FAM20B: variants seen among roughly 807,000 people sequenced by gnomAD.
FAM20B encodes glycosaminoglycan xylosylkinase.
Under a neutral mutation model 43.8 loss-of-function variants are expected in FAM20B, and 23 were observed. The ratio of observed to expected loss-of-function variants is 0.53; its 90% CI spans 0.38 to 0.74. The LOEUF (loss-of-function observed/expected upper bound fraction) is 0.74, where lower values mean the gene tolerates loss of function less well. Among genes scored for constraint, FAM20B ranks in the 30% least tolerant of loss-of-function variants. The pLI is 0.00. For synonymous variants in FAM20B, 178 were observed against 192.4 expected (o/e 0.93, Z 0.62); for missense variants, 440 against 510.5 (o/e 0.86, Z 1.33).
chr1:179,072,930 C>T lies in FAM20B; in HGVS notation c.*786C>T, dbSNP rs1423000596. The T allele has an allele frequency of 6.6e-6, 1 of 152,096 alleles. No homozygotes were observed. The highest frequency in any genetic ancestry group is 1.9e-4 in the East Asian group (1 of 5,192). 9.4% of individuals were successfully genotyped at this position (152,096 alleles called of 1,614,324 possible). On this transcript the variant is annotated 3_prime_UTR_variant, in exon 8 of 8. Coordinates refer to ENST00000263733, the MANE Select transcript of FAM20B (RefSeq NM_014864.4). Reference sequence around the variant, plus strand: ...TTCTCATAGTTGTGTCCCAATTAACCAAAAAGTTGTCTCTAGAGAAAATAC... The same window carrying T: ...TTCTCATAGTTGTGTCCCAATTAACTAAAAAGTTGTCTCTAGAGAAAATAC...
intron 2 of FAM20B, among the ~76,000 whole-genome samples, chr1:179,048,537 C>T (rs1000442365): frequency 4.6e-5 from 7 of 152,218 alleles, no homozygotes; most frequent in African/African-American, 1.7e-4. Flanking sequence ...ACATACCTTC[C>T]TGTGGCTGCC....
upstream of FAM20B, among the ~76,000 whole-genome samples, chr1:179,022,291 C>G (rs774994020): frequency 1.3e-5 from 2 of 152,182 alleles, no homozygotes; most frequent in African/African-American, 4.8e-5. Flanking sequence ...CTCCTTTACT[C>G]GCTAGCCTTT....
chr1:179,069,339 C>T (rs749434867), intron 7 of FAM20B, among the ~76,000 whole-genome samples: 5 of 152,148 alleles, frequency 3.3e-5, no homozygotes, highest in Non-Finnish European at 7.4e-5. Context: ...GAATCCCATC[C>T]GTCGTAGCAG....
At chr1:179,023,330 G>C (rs1435634948), upstream of FAM20B, among the ~76,000 whole-genome samples, 1 of 152,216 alleles carries the variant, frequency 6.6e-6, no homozygotes, top group Non-Finnish European at 1.5e-5. Flanking sequence ...CTACAAGTGG[G>C]AATAAAGATG....
At position 179,072,885 on chromosome 1, in the gene FAM20B, G is replaced by A. The variant is rs1167367006; in HGVS notation, c.*741G>A. 1 of 152,154 alleles carries A rather than the reference G, an allele frequency of 6.6e-6. No homozygotes were observed. The highest frequency in any genetic ancestry group is 2.4e-5 in the African/African-American group (1 of 41,430). The allele number at this position is 152,154 out of a possible 1,614,324, so 9.4% of individuals were successfully genotyped here. On this transcript the variant is annotated 3_prime_UTR_variant, in exon 8 of 8. Coordinates refer to ENST00000263733, the MANE Select transcript of FAM20B (RefSeq NM_014864.4). ...GTGTATAAAAAGCAAACATGACTTT[G>A]CACCTAAGTAAATTCTGCATTCTCA...
chr1:179,019,496 CTT>C, the FAM20B span, among the ~76,000 whole-genome samples: 1 of 136,404 alleles, frequency 7.3e-6, no homozygotes, highest in Non-Finnish European at 1.5e-5. Flanking sequence ...GAGTTTTGCT[CTT>C]GTTGCCCAGG....
chr1:179,064,346 C>G lies in FAM20B; in HGVS notation c.788C>G (p.Thr263Arg). The G allele has an allele frequency of 6.2e-7, 1 of 1,613,350 alleles. No individual in the cohort carries two copies. Among genetic ancestry groups the G allele is most frequent in the Non-Finnish European group, 8.5e-7 (1 of 1,179,534 alleles). The change falls in exon 6 of 8, where the codon ACG (threonine) becomes AGG (arginine). Residue 263 changes from threonine (T) to arginine (R), a missense_variant. Physicochemically the swap from Thr to Arg is moderately conservative, Grantham distance 71 (BLOSUM62 -1). Transcript: ENST00000263733. ...DESYCDAVKK[T>R]SPYDSGPRLL... is the part of the protein sequence containing the mutation. ...AGCTACTGTGATGCTGTGAAGAAAA[C>G]GTCCCCTTATGACTCTGGCCCGCGC...
At chr1:179,036,914 T>C (rs757716838) in intron 1 of FAM20B, among the ~76,000 whole-genome samples, 1 of 151,800 alleles carries the variant, frequency 6.6e-6, no homozygotes, top group Non-Finnish European at 1.5e-5. Flanking sequence ...CAGGAGGAGA[T>C]TGGAAGAAAT....
At chr1:179,017,763 C>T in the FAM20B span, among the ~76,000 whole-genome samples, 2 of 152,162 alleles carry the variant, frequency 1.3e-5, no homozygotes, top group Non-Finnish European at 1.5e-5. Flanking sequence ...TGAATAAGCA[C>T]ACCAATTTGC....
At chr1:179,048,389 T>TC (rs1650868304) in intron 2 of FAM20B, among the ~76,000 whole-genome samples, 2 of 152,282 alleles carry the variant, frequency 1.3e-5, no homozygotes, top group South Asian at 4.1e-4. Flanking sequence ...CCTTTTCTCT[T>TC]CCCTCCATCT....
chr1:179,040,778 C>T (rs570911308), intron 1 of FAM20B, among the ~76,000 whole-genome samples: 3 of 151,764 alleles, frequency 2.0e-5, no homozygotes, highest in African/African-American at 4.8e-5. Context: ...CCCTCCCGGA[C>T]GGGTTGGCTG....
chr1:179,071,428 CTG>C (rs1651921065), intron 7 of FAM20B, among the ~76,000 whole-genome samples: 1 of 152,188 alleles, frequency 6.6e-6, no homozygotes, highest in Non-Finnish European at 1.5e-5. Context: ...CTTGTTAACA[CTG>C]TAGTGTACTT....
intron 2 of FAM20B, among the ~76,000 whole-genome samples, chr1:179,045,099 A>C (rs866175088): frequency 2.6e-5 from 4 of 152,226 alleles, no homozygotes; most frequent in Middle Eastern, 3.2e-3. Context: ...TGGACTTCCT[A>C]GGGATCTACA....
chr1:179,063,248 G>C (rs538737249), intron 4 of FAM20B, among the ~76,000 whole-genome samples: 5 of 152,184 alleles, frequency 3.3e-5, no homozygotes, highest in Middle Eastern at 3.4e-3. Context: ...CTGCACTCTA[G>C]CCTGGGCGAC....
chr1:179,039,227 G>A (rs1650376384), intron 1 of FAM20B, among the ~76,000 whole-genome samples: 1 of 152,208 alleles, frequency 6.6e-6, no homozygotes, highest in African/African-American at 2.4e-5. Flanking sequence ...GAGCAAGCCT[G>A]TGCATGTTTT....
intron 1 of FAM20B, among the ~76,000 whole-genome samples, chr1:179,037,128 G>A (rs1650273093): frequency 6.6e-6 from 1 of 152,188 alleles, no homozygotes; most frequent in Non-Finnish European, 1.5e-5. Flanking sequence ...TAGAATCAAA[G>A]GTGGTTGAGT....
At chr1:179,020,554 T>C in the FAM20B span, among the ~76,000 whole-genome samples, 2 of 152,226 alleles carry the variant, frequency 1.3e-5, no homozygotes, top group South Asian at 2.1e-4. Context: ...GATTGAACTA[T>C]ATAAAATTGT....
chr1:179,026,713 C>T (rs1242862438), intron 1 of FAM20B, among the ~76,000 whole-genome samples: 1 of 152,338 alleles, frequency 6.6e-6, no homozygotes, highest in African/African-American at 2.4e-5. Context: ...CTGTGTTAGC[C>T]CTCAGTGGGC....
intron 4 of FAM20B, among the ~76,000 whole-genome samples, chr1:179,060,054 C>T (rs1651395306): frequency 6.6e-6 from 1 of 151,276 alleles, no homozygotes. Context: ...AAGTGGCAAC[C>T]TTTAACTAGT....
Sources: allele counts gnomAD v4.1 joint callset (sites outside exome capture counted in the v4.1 genomes callset), GRCh38; gene constraint gnomAD v4.1.1; transcripts MANE v1.5; gene names NCBI Gene and HGNC (gene_info 2026-07-23, HGNC 2026-07-21).